KPNA7: variants seen among roughly 807,000 people sequenced by gnomAD.
KPNA7 encodes the protein importin subunit alpha-8.
Under a neutral mutation model 53.7 loss-of-function variants are expected in KPNA7, and 54 were observed. The observed-to-expected ratio is 1.01, with a 90% CI of 0.81 to 1.26. KPNA7 has a LOEUF of 1.26. Ranked by LOEUF, KPNA7 falls within the 50% of genes most tolerant of loss-of-function variation. KPNA7 has a pLI of 0.00. For missense variants in KPNA7, 640 were observed against 644.5 expected, an observed-to-expected ratio of 0.99 and a Z score of 0.07; for synonymous variants, 276 against 259.3, an observed-to-expected ratio of 1.06 and a Z score of -0.62.
At chr7:99,166,384 C>T in the KPNA7 span, among the ~76,000 whole-genome samples, 1,792 of 152,184 alleles carry the variant, frequency 0.012, 34 homozygotes, top group African/African-American at 0.041. Context: ...GACGTGATCC[C>T]GGCTTGCTGC....
chr7:99,173,112 T>TATAAGACC (rs1012527365), downstream of KPNA7, among the ~76,000 whole-genome samples: 6 of 149,092 alleles, frequency 4.0e-5, no homozygotes, highest in South Asian at 2.2e-4. Context: ...TCCGGATAAC[T>TATAAGACC]ATAAGACCAT....
intron 3 of KPNA7, among the ~76,000 whole-genome samples, chr7:99,199,264 T>A (rs1484179815): frequency 1.3e-5 from 2 of 151,974 alleles, no homozygotes; most frequent in Non-Finnish European, 2.9e-5. Context: ...AAAATTCATA[T>A]GGAAATACAA....
Position 99,173,699 on chromosome 7 carries a change from G to A in KPNA7, c.*9C>T, listed in dbSNP as rs1379773511. On this transcript the variant is annotated 3_prime_UTR_variant, in exon 11 of 11. Transcript: ENST00000327442. ...ACTGGGTTGTTGGTTTAGGAGGTAG[G>A]GAGCTTGGCTATTTTTTTGCTAAGC... 6.5e-7 allele frequency: 1 copy of A among 1,534,876 alleles called. No individual in the cohort carries two copies. The highest frequency in any genetic ancestry group is 2.4e-5 in the East Asian group (1 of 40,852).
At chr7:99,211,873 C>G (rs1791080012), upstream of KPNA7, among the ~76,000 whole-genome samples, 1 of 152,136 alleles carries the variant, frequency 6.6e-6, no homozygotes, top group Admixed American at 6.6e-5. Flanking sequence ...TGGAATTGAC[C>G]AATCTCTCCC....
chr7:99,164,401 C>T, the KPNA7 span, among the ~76,000 whole-genome samples: 1 of 151,918 alleles, frequency 6.6e-6, no homozygotes, highest in Non-Finnish European at 1.5e-5. Context: ...AAAAACCAAA[C>T]ACCTCATGTT....
At chr7:99,165,856 G>C in the KPNA7 span, among the ~76,000 whole-genome samples, 5 of 152,120 alleles carry the variant, frequency 3.3e-5, no homozygotes. Context: ...TTCGATTTGT[G>C]TCTCTGACCA....
intron 9 of KPNA7, 130 bp from the exon 10 acceptor site, chr7:99,178,196 G>A: frequency 2.7e-6 from 2 of 753,788 alleles, no homozygotes; most frequent in South Asian, 4.1e-5. Flanking sequence ...ATGGATAGTT[G>A]CAATTTCACT....
intron 8 of KPNA7, among the ~76,000 whole-genome samples, chr7:99,183,849 T>C (rs73401341): frequency 0.018 from 2,788 of 152,238 alleles, 89 homozygotes; most frequent in African/African-American, 0.063. Flanking sequence ...TAATGTTTTT[T>C]TGTTTTTGTT....
At chr7:99,198,705 C>A (rs1000248931) in intron 3 of KPNA7, among the ~76,000 whole-genome samples, 12 of 152,154 alleles carry the variant, frequency 7.9e-5, no homozygotes, top group African/African-American at 2.9e-4. Flanking sequence ...AGATTTCCCC[C>A]AAGATCAGGA....
intron 6 of KPNA7, among the ~76,000 whole-genome samples, chr7:99,192,427 T>C (rs924704074): frequency 6.6e-5 from 10 of 152,200 alleles, no homozygotes; most frequent in African/African-American, 1.9e-4. Flanking sequence ...TATTAGTTTA[T>C]TTAGAGACAG....
At chr7:99,173,547 T>C, downstream of KPNA7, 2 of 564,914 alleles carry the variant, frequency 3.5e-6, no homozygotes, top group Non-Finnish European at 6.3e-6. Context: ...GCAAGTCGTT[T>C]ATCTGAAGTT....
At chr7:99,192,152 T>G (rs112026583) in intron 6 of KPNA7, among the ~76,000 whole-genome samples, 1 of 152,174 alleles carries the variant, frequency 6.6e-6, no homozygotes, top group Non-Finnish European at 1.5e-5. Context: ...GCAAATTTTT[T>G]TGTGTGAAAA....
rs1216960045 is a variant in KPNA7 at position 99,193,039 on chromosome 7, A to G, written c.616T>C (p.Leu206=). ...TSNAIPHLLA[L]ISPTLPITFL... is the part of the protein sequence containing the mutation. ...CTTACCGGCAGGGTGGGTGAAATCA[A>G]GGCTAGGAGATGTGGGATGGCATTG... The change falls in exon 6 of 11, where the codon TTG becomes CTG. Residue 206 remains leucine (L), a synonymous_variant. Transcript: ENST00000327442. 1.3e-6 allele frequency: 2 copies of G among 1,507,318 alleles called. No homozygotes were observed. The highest frequency in any genetic ancestry group is 1.4e-5 in the African/African-American group (1 of 70,400). 93.4% of individuals were successfully genotyped at this position (1,507,318 alleles called of 1,614,324 possible).
chr7:99,167,055 C>A, the KPNA7 span, among the ~76,000 whole-genome samples: 5 of 152,204 alleles, frequency 3.3e-5, no homozygotes, highest in African/African-American at 1.2e-4. Flanking sequence ...GAATAAAATT[C>A]AAAGTCTGCA....
the KPNA7 span, among the ~76,000 whole-genome samples, chr7:99,154,536 T>A: frequency 6.6e-6 from 1 of 151,756 alleles, no homozygotes; most frequent in African/African-American, 2.4e-5. Flanking sequence ...AGGTCTTTTT[T>A]TTTTTTTTCT....
chr7:99,173,933 T>C (rs1798818256), intron 10 of KPNA7, 139 bp from the exon 11 acceptor site: 1 of 595,256 alleles, frequency 1.7e-6, no homozygotes. Context: ...ATTAAGTACA[T>C]TCGCATTGTT....
At chr7:99,180,528 T>TCTCTGTCTCC (rs1363289276) in intron 9 of KPNA7, among the ~76,000 whole-genome samples, 1 of 90,036 alleles carries the variant, frequency 1.1e-5, no homozygotes, top group Non-Finnish European at 2.3e-5. Context: ...TGTCTCTATC[T>TCTCTGTCTCC]CTCTGTCTCC....
At chr7:99,160,017 G>GTTTTTTTTTTTTTTTTTTTTTTTT in the KPNA7 span, among the ~76,000 whole-genome samples, 3 of 67,658 alleles carry the variant, frequency 4.4e-5, no homozygotes, top group African/African-American at 1.2e-4. Context: ...TGTTGTTTTT[G>GTTTTTTTTTTTTTTTTTTTTTTTT]TTTTTTTTTT....
the KPNA7 span, among the ~76,000 whole-genome samples, chr7:99,153,906 T>G: frequency 6.6e-6 from 1 of 151,660 alleles, no homozygotes; most frequent in Non-Finnish European, 1.5e-5. Flanking sequence ...GCCCAGGAGA[T>G]CAAGTGTGAT....
Sources: allele counts gnomAD v4.1 joint callset (sites outside exome capture counted in the v4.1 genomes callset), GRCh38; gene constraint gnomAD v4.1.1; transcripts MANE v1.5; gene names NCBI Gene and HGNC (gene_info 2026-07-23, HGNC 2026-07-21).